Variants in NCAM2 observed in about 807,000 individuals in gnomAD.
NCAM2 encodes the protein N-CAM-2.
NCAM2 carries 30 observed loss-of-function variants against 98.1 expected under a neutral mutation model. The observed-to-expected ratio is 0.31, with a 90% confidence interval of 0.23 to 0.41. NCAM2 has a LOEUF of 0.41. Ranked by LOEUF, NCAM2 falls within the 10% of genes least tolerant of loss-of-function variation. The pLI is 1.00. For synonymous variants in NCAM2, 368 were observed against 342.4 expected, an observed-to-expected ratio of 1.07 and a Z score of -0.83; for missense variants, 867 against 1,005.8, an observed-to-expected ratio of 0.86 and a Z score of 1.87.
At chr21:21,477,750 G>A (rs920716490) in intron 15 of NCAM2, among the ~76,000 whole-genome samples, 9 of 152,088 alleles carry the variant, frequency 5.9e-5, no homozygotes, top group Non-Finnish European at 1.3e-4. Flanking sequence ...GATAATCAAC[G>A]TGAAAAGTGT....
intron 15 of NCAM2, among the ~76,000 whole-genome samples, chr21:21,480,060 A>C (rs1985695121): frequency 6.6e-6 from 1 of 152,132 alleles, no homozygotes. Flanking sequence ...ACAGATATTC[A>C]ACATGAGTTA....
rs1168028068 is a variant in NCAM2 at position 21,167,434 on chromosome 21, A to G, written c.56-113144A>G. On this transcript the variant is annotated intron_variant, in intron 1 of 17. Coordinates refer to ENST00000400546, the MANE Select transcript of NCAM2 (RefSeq NM_004540.5). Reference sequence around the variant, plus strand: ...AAATTTTATAAGCTTGAACTTCAGGAAACAGAAAAAAAGAGCACAGTTACC... The same window carrying G: ...AAATTTTATAAGCTTGAACTTCAGGGAACAGAAAAAAAGAGCACAGTTACC... Among the ~76,000 whole-genome samples, 5 of 152,178 alleles carry G rather than the reference A, an allele frequency of 3.3e-5. No individual in the cohort carries two copies. In the South Asian group the frequency reaches 1.0e-3, roughly 32 times the overall value.
At chr21:21,431,989 A>T in intron 11 of NCAM2, 119 bp from the exon 12 acceptor site, 1 of 769,300 alleles carries the variant, frequency 1.3e-6, no homozygotes, top group Non-Finnish European at 2.0e-6. Context: ...TAACTCGAAC[A>T]TATTAAGTGA....
chr21:21,230,137 C>T (rs2070561963), intron 1 of NCAM2, among the ~76,000 whole-genome samples: 1 of 150,654 alleles, frequency 6.6e-6, no homozygotes, highest in Non-Finnish European at 1.5e-5. Context: ...TACTCTCTGT[C>T]AGTAGTCCTG....
intron 1 of NCAM2, among the ~76,000 whole-genome samples, chr21:21,063,761 C>T (rs746449011): frequency 1.6e-4 from 25 of 152,022 alleles, no homozygotes; most frequent in Non-Finnish European, 2.8e-4. Context: ...TACTGGTTTA[C>T]GTTACAATTA....
At chr21:21,058,647 C>T (rs908047832) in intron 1 of NCAM2, among the ~76,000 whole-genome samples, 1 of 145,012 alleles carries the variant, frequency 6.9e-6, no homozygotes, top group Non-Finnish European at 1.5e-5. Flanking sequence ...TGGAAGCAGA[C>T]TTGCATTAAA....
intron 1 of NCAM2, among the ~76,000 whole-genome samples, chr21:21,039,722 A>G (rs1383216795): frequency 6.6e-6 from 1 of 152,082 alleles, no homozygotes; most frequent in Admixed American, 6.6e-5. Context: ...TTTCCAGGAA[A>G]CTCATAACTT....
chr21:21,150,901 A>AT (rs560442316), intron 1 of NCAM2, among the ~76,000 whole-genome samples: 282 of 151,700 alleles, frequency 1.9e-3, no homozygotes, highest in African/African-American at 6.4e-3. Context: ...GCTGGATGCT[A>AT]TTTTTTCTTA....
rs1218816733 is a variant in NCAM2 at position 21,387,542 on chromosome 21, G to T, written c.1195+13529G>T. 2.6e-5 allele frequency among the ~76,000 whole-genome samples: 4 copies of T among 151,932 alleles called. No homozygotes were observed. In the South Asian group the frequency reaches 8.3e-4, roughly 32 times the overall value. ...ACAAAAAAAAAACTCAGTGAAGTCT[G>T]TAACAGCTCAGTATGATGTGATCTC... On this transcript the variant is annotated intron_variant, in intron 9 of 17. Coordinates refer to ENST00000400546, the MANE Select transcript of NCAM2 (RefSeq NM_004540.5).
At chr21:21,453,841 A>G (rs1981713593) in intron 12 of NCAM2, among the ~76,000 whole-genome samples, 1 of 152,058 alleles carries the variant, frequency 6.6e-6, no homozygotes, top group South Asian at 2.1e-4. Flanking sequence ...TTATTCTTGA[A>G]TTAGTCCTTA....
At chr21:21,210,046 C>G (rs1205937915) in intron 1 of NCAM2, among the ~76,000 whole-genome samples, 2 of 152,084 alleles carry the variant, frequency 1.3e-5, no homozygotes, top group Non-Finnish European at 2.9e-5. Context: ...CATAATGTGT[C>G]TTAGAGGAGG....
chr21:21,538,875 A>G lies in NCAM2; in HGVS notation c.*918A>G, dbSNP rs906472288. On this transcript the variant is annotated 3_prime_UTR_variant, in exon 18 of 18. Coordinates refer to ENST00000400546, the MANE Select transcript of NCAM2 (RefSeq NM_004540.5). ...CTTTAGTGTTCAAATACTTCAAATC[A>G]TATCCTCAGATATATTTTTAGCCCA... 6.6e-6 allele frequency: 1 copy of G among 152,124 alleles called. No individual in the cohort carries two copies. The highest frequency in any genetic ancestry group is 2.4e-5 in the African/African-American group (1 of 41,440). 9.4% of individuals were successfully genotyped at this position (152,124 alleles called of 1,614,324 possible).
intron 8 of NCAM2, among the ~76,000 whole-genome samples, chr21:21,368,930 C>T (rs955123949): frequency 2.6e-5 from 4 of 151,814 alleles, no homozygotes; most frequent in Admixed American, 2.0e-4. Context: ...CGTAAAACAC[C>T]CAATAACCTT....
At chr21:21,312,502 T>C (rs766770062) in intron 5 of NCAM2, among the ~76,000 whole-genome samples, 14 of 151,682 alleles carry the variant, frequency 9.2e-5, no homozygotes, top group Non-Finnish European at 1.5e-4. Flanking sequence ...AATTAATCTA[T>C]CCAACCTAAC....
intron 1 of NCAM2, among the ~76,000 whole-genome samples, chr21:21,040,743 G>A (rs2064887734): frequency 6.6e-6 from 1 of 152,160 alleles, no homozygotes; most frequent in Non-Finnish European, 1.5e-5. Context: ...TATCTTAGAA[G>A]TAGAGAGTAG....
chr21:21,439,118 C>T (rs1191898830), intron 12 of NCAM2, among the ~76,000 whole-genome samples: 2 of 124,654 alleles, frequency 1.6e-5, no homozygotes, highest in Non-Finnish European at 3.4e-5. Flanking sequence ...TAAGTAAGTA[C>T]TTCCTTTTTT....
intron 1 of NCAM2, among the ~76,000 whole-genome samples, chr21:21,017,381 A>G (rs962381179): frequency 7.9e-6 from 1 of 126,260 alleles, no homozygotes; most frequent in Non-Finnish European, 1.6e-5. Context: ...AACAGATATC[A>G]CGCCACTGCA....
At chr21:21,119,684 A>C (rs1157596529) in intron 1 of NCAM2, among the ~76,000 whole-genome samples, 1 of 152,180 alleles carries the variant, frequency 6.6e-6, no homozygotes, top group Non-Finnish European at 1.5e-5. Context: ...TTGTTTATGA[A>C]GTCTTTTTTT....
At chr21:21,115,989 G>GTGTCTGTC (rs1555886416) in intron 1 of NCAM2, among the ~76,000 whole-genome samples, 18 of 130,748 alleles carry the variant, frequency 1.4e-4, no homozygotes, top group African/African-American at 5.1e-4. Flanking sequence ...GTGTGTGTGT[G>GTGTCTGTC]TGTCTGTCTG....
Sources: allele counts gnomAD v4.1 joint callset (sites outside exome capture counted in the v4.1 genomes callset), GRCh38; gene constraint gnomAD v4.1.1; transcripts MANE v1.5; gene names NCBI Gene and HGNC (gene_info 2026-07-23, HGNC 2026-07-21).